The following DPP6 variants were observed in gnomAD, a reference collection of about 807,000 sequenced individuals.
The protein encoded by DPP6 is A-type potassium channel modulatory protein DPP6.
In DPP6, 69 loss-of-function variants were observed where a neutral mutation model predicts 122.6. The ratio of observed to expected loss-of-function variants is 0.56; its 90% CI spans 0.46 to 0.69. The LOEUF (loss-of-function observed/expected upper bound fraction) is 0.69. Among genes scored for constraint, DPP6 ranks in the 30% least tolerant of loss-of-function variants. The probability of loss-of-function intolerance (pLI) is 0.00; values close to 1 mark genes in which losing one functional copy is unlikely to be tolerated. For missense variants in DPP6, 928 were observed against 1,116.9 expected (o/e 0.83, Z 2.41); for synonymous variants, 418 against 433.1 (o/e 0.97, Z 0.43).
rs1318199004 is a variant in DPP6, at chr7:154,727,763, T to C, written c.763-4T>C. On this transcript the variant is annotated splice_polypyrimidine_tract_variant and splice_region_variant and intron_variant, in intron 7 of 25. Coordinates refer to ENST00000377770, the MANE Select transcript of DPP6 (RefSeq NM_130797.4). ...TATTATGCTTTTTTCTCTTTCCAAA[T>C]TAGATATTTATTTTTGAAAACAATA... 1 of 1,608,274 alleles carries C rather than the reference T, an allele frequency of 6.2e-7. No homozygotes were observed. The highest frequency in any genetic ancestry group is 1.7e-5 in the Admixed American group (1 of 59,466).
chr7:154,268,361 G>A (rs962682432), intron 1 of DPP6, among the ~76,000 whole-genome samples: 2 of 152,192 alleles, frequency 1.3e-5, no homozygotes, highest in Admixed American at 1.3e-4. Context: ...GGAAGTCCAA[G>A]ATCAAAGTGG....
chr7:154,654,295 T>A (rs1225995218), intron 6 of DPP6, among the ~76,000 whole-genome samples: 1 of 152,064 alleles, frequency 6.6e-6, no homozygotes, highest in Non-Finnish European at 1.5e-5. Flanking sequence ...AGCATCTCTC[T>A]GAATTAGAGA....
At chr7:153,958,979 C>T (rs1795209768) in intron 1 of DPP6, among the ~76,000 whole-genome samples, 2 of 152,046 alleles carry the variant, frequency 1.3e-5, no homozygotes, top group South Asian at 4.1e-4. Flanking sequence ...GCAGAGCACG[C>T]CGTTGAGGGG....
chr7:154,054,366 G>T lies in DPP6; in HGVS notation c.243+1303G>T, dbSNP rs367877569. ...TCCCAGGGACAATTCCTAATTGCCA[G>T]ATACTATGAAATCAGTGAGGTTTTG... is the stretch of plus-strand genomic sequence containing the variant. On this transcript the variant is annotated intron_variant, in intron 1 of 25. Transcript: ENST00000377770. 7.7e-4 allele frequency among the ~76,000 whole-genome samples: 117 copies of T among 152,212 alleles called. 5 individuals carry two copies. The South Asian group carries it at 0.023, about 29-fold the overall frequency.
intron 4 of DPP6, among the ~76,000 whole-genome samples, chr7:154,558,604 C>T (rs769778896): frequency 1.3e-5 from 2 of 151,988 alleles, no homozygotes; most frequent in Admixed American, 6.6e-5. Flanking sequence ...CAAAAATTAC[C>T]GCTGTGTTAC....
chr7:154,868,243 G>A lies in DPP6; in HGVS notation c.1813+150G>A, dbSNP rs779649641. 21 of 1,132,346 alleles carry A rather than the reference G, an allele frequency of 1.9e-5. 1 individual carries two copies. In the Admixed American group the frequency reaches 5.6e-4, roughly 30 times the overall value. 70.1% of individuals were successfully genotyped at this position (1,132,346 alleles called of 1,614,324 possible). On this transcript the variant is annotated intron_variant, in intron 18 of 25. Transcript: ENST00000377770. The stretch of plus-strand genomic sequence containing the variant: ...CCCCTCAGCTCCTCTGGCATGGAGT[G>A]TCTTGTGTTCAGAACCAAGATGCTC...
upstream of DPP6, among the ~76,000 whole-genome samples, chr7:153,886,625 C>T (rs1273060216): frequency 6.6e-6 from 1 of 152,200 alleles, no homozygotes; most frequent in Non-Finnish European, 1.5e-5. Context: ...GCGCTGGTAG[C>T]CGGGCGCTGC....
chr7:154,393,941 C>T (rs1000712441), intron 1 of DPP6, among the ~76,000 whole-genome samples: 1 of 152,136 alleles, frequency 6.6e-6, no homozygotes, highest in Admixed American at 6.6e-5. Flanking sequence ...AATATAAGTC[C>T]TCAAGGTGCC....
intron 1 of DPP6, chr7:154,305,280 C>T (rs368353115): frequency 3.1e-6 from 4 of 1,310,072 alleles, no homozygotes; most frequent in East Asian, 5.8e-5. Context: ...GCGGCAGCTT[C>T]CTGCTTCGGA....
chr7:154,684,991 A>AT (rs1168967504), intron 7 of DPP6, among the ~76,000 whole-genome samples: 2 of 152,248 alleles, frequency 1.3e-5, no homozygotes, highest in Non-Finnish European at 2.9e-5. Flanking sequence ...GACTCAGAAT[A>AT]ATAAAGGAAT....
chr7:154,841,728 T>C (rs1244676089), intron 16 of DPP6, among the ~76,000 whole-genome samples: 1 of 151,850 alleles, frequency 6.6e-6, no homozygotes, highest in African/African-American at 2.4e-5. Context: ...CCATCTTTTG[T>C]GAGCGTGTAA....
chr7:154,813,744 A>G (rs551253772), intron 16 of DPP6, among the ~76,000 whole-genome samples: 12 of 152,160 alleles, frequency 7.9e-5, no homozygotes, highest in African/African-American at 2.9e-4. Context: ...ACCTTTTATG[A>G]TGATTTTCCA....
chr7:154,887,901 A>C lies in DPP6; in HGVS notation c.2304+167A>C, dbSNP rs2316538. On this transcript the variant is annotated intron_variant, in intron 23 of 25. Coordinates refer to ENST00000377770, the MANE Select transcript of DPP6 (RefSeq NM_130797.4). ...CCTCCGAAGGATCATTCCACCAGAG[A>C]GTGGATTGAGGTTAACATGGCCTCT... is the stretch of plus-strand genomic sequence containing the variant. Among the ~76,000 whole-genome samples, 45,905 of 151,592 alleles carry C rather than the reference A, an allele frequency of 0.3. 8,403 individuals are homozygous for C. The highest frequency in any genetic ancestry group is 0.55 in the East Asian group (2,805 of 5,102).
At chr7:154,335,890 G>A (rs1261978615) in intron 1 of DPP6, among the ~76,000 whole-genome samples, 1 of 152,056 alleles carries the variant, frequency 6.6e-6, no homozygotes, top group African/African-American at 2.4e-5. Flanking sequence ...CGGCTAGGGC[G>A]GAGATAGAGC....
At chr7:153,829,493 C>CA in the DPP6 span, among the ~76,000 whole-genome samples, 2 of 152,266 alleles carry the variant, frequency 1.3e-5, no homozygotes, top group Non-Finnish European at 2.9e-5. Flanking sequence ...GGATTACAGG[C>CA]ATGAGCCACC....
At position 154,570,041 on chromosome 7, in the gene DPP6, G is replaced by A. The variant is rs76754668; in HGVS notation, c.627+3125G>A. 3.4e-4 allele frequency among the ~76,000 whole-genome samples: 51 copies of A among 151,916 alleles called. No homozygotes were observed. In the South Asian group the frequency reaches 6.7e-3, roughly 20 times the overall value. ...ATGTGTTTGAGCACAGAGTAGTTCCGTATGTATACCCAGGGCCAGATTTAA... is the reference window on the plus strand; with the variant it reads ...ATGTGTTTGAGCACAGAGTAGTTCCATATGTATACCCAGGGCCAGATTTAA... On this transcript the variant is annotated intron_variant, in intron 5 of 25. Transcript: ENST00000377770.
chr7:154,330,675 C>T (rs914077196), intron 1 of DPP6, among the ~76,000 whole-genome samples: 14 of 152,196 alleles, frequency 9.2e-5, no homozygotes, highest in South Asian at 2.1e-4. Flanking sequence ...CAGAGGCAAC[C>T]GTGTACTTCT....
At chr7:153,851,358 GTCC>G in the DPP6 span, among the ~76,000 whole-genome samples, 2 of 152,102 alleles carry the variant, frequency 1.3e-5, no homozygotes, top group Non-Finnish European at 2.9e-5. Context: ...AAATATTGCT[GTCC>G]TCCTCTCATT....
chr7:154,420,481 A>C (rs966233697), intron 1 of DPP6, among the ~76,000 whole-genome samples: 1 of 152,090 alleles, frequency 6.6e-6, no homozygotes, highest in Non-Finnish European at 1.5e-5. Context: ...GAGAGAATAG[A>C]ATTGTGGTTG....
Sources: allele counts gnomAD v4.1 joint callset (sites outside exome capture counted in the v4.1 genomes callset), GRCh38; gene constraint gnomAD v4.1.1; transcripts MANE v1.5; gene names NCBI Gene and HGNC (gene_info 2026-07-23, HGNC 2026-07-21).